The following XRN1 variants were observed in gnomAD, a reference collection of about 807,000 sequenced individuals.
XRN1 encodes the protein 5'-3' exoribonuclease 1.
A neutral mutation model predicts 222.3 loss-of-function variants in XRN1; 67 were observed. The ratio of observed to expected loss-of-function variants is 0.30; its 90% CI spans 0.25 to 0.37. XRN1 has a LOEUF of 0.37. Among genes scored for constraint, XRN1 ranks in the 10% least tolerant of loss-of-function variants. XRN1 has a pLI of 1.00. For missense variants in XRN1, 1,707 were observed against 2,000.2 expected (o/e 0.85, Z 2.80); for synonymous variants, 643 against 652.4 (o/e 0.99, Z 0.22).
In XRN1 at chr3:142,417,222, G is replaced by T. The variant is rs367872004; in HGVS notation, c.1354C>A (p.Leu452Met). The T allele has an allele frequency of 1.4e-5, 23 of 1,613,006 alleles. No homozygotes were observed. Among genetic ancestry groups the T allele is most frequent in the Non-Finnish European group, 1.9e-5 (23 of 1,179,506 alleles). Residue 452 changes from leucine to methionine, a missense_variant, in exon 13 of 41, where the codon CTG becomes ATG. Physicochemically the swap from Leu to Met is conservative, Grantham distance 15 (BLOSUM62 2). This residue lies in a region of XRN1 where 1,234 missense variants were observed against 1,518.2 expected (regional missense o/e 0.81). Coordinates refer to ENST00000392981, the MANE Select transcript of XRN1 (RefSeq NM_001282857.2). ...MGVDVVSDDF[L>M]ADQAACYVQA... ...ACATAACATGCAGCTTGATCAGCCAGAAAGTCACTGAAAATAGAATATTTT... is the reference window on the plus strand; with the variant it reads ...ACATAACATGCAGCTTGATCAGCCATAAAGTCACTGAAAATAGAATATTTT...
intron 3 of XRN1, among the ~76,000 whole-genome samples, chr3:142,426,270 A>G (rs1020097071): frequency 1.3e-5 from 2 of 152,206 alleles, no homozygotes; most frequent in African/African-American, 4.8e-5. Flanking sequence ...TAAACATAAT[A>G]CTGATAAATT....
At chr3:142,318,934 A>G (rs1197892389) in intron 37 of XRN1, 31 bp from the exon 38 acceptor site, 1 of 1,579,842 alleles carries the variant, frequency 6.3e-7, no homozygotes, top group Non-Finnish European at 8.7e-7. Context: ...TGTCTATGAA[A>G]TTCTCTGTCT....
intron 25 of XRN1, among the ~76,000 whole-genome samples, chr3:142,375,149 A>C (rs552657124): frequency 2.0e-5 from 3 of 152,172 alleles, no homozygotes; most frequent in Non-Finnish European, 4.4e-5. Flanking sequence ...TTGAGACAAT[A>C]AATTTCTGTT....
At chr3:142,324,853 T>G (rs188710675) in intron 37 of XRN1, among the ~76,000 whole-genome samples, 35 of 152,296 alleles carry the variant, frequency 2.3e-4, no homozygotes, top group Non-Finnish European at 4.0e-4. Context: ...CCAGTGATGA[T>G]GAGCATTTTT....
intron 33 of XRN1, among the ~76,000 whole-genome samples, chr3:142,346,738 C>A (rs189396126): frequency 6.6e-6 from 1 of 152,146 alleles, no homozygotes; most frequent in African/African-American, 2.4e-5. Flanking sequence ...GCCTTGGCCT[C>A]CCAAAGTGCT....
At chr3:142,359,660 G>A (rs1252409706) in intron 30 of XRN1, among the ~76,000 whole-genome samples, 1 of 151,986 alleles carries the variant, frequency 6.6e-6, no homozygotes, top group Non-Finnish European at 1.5e-5. Context: ...TAATGTAATC[G>A]GTTGCTTAAT....
intron 33 of XRN1, among the ~76,000 whole-genome samples, chr3:142,340,440 C>CA: frequency 6.6e-6 from 1 of 151,162 alleles, no homozygotes; most frequent in South Asian, 2.1e-4. Flanking sequence ...AAAACAGCCT[C>CA]AAAAGGGCAA....
intron 33 of XRN1, among the ~76,000 whole-genome samples, chr3:142,336,560 A>G (rs1300759752): frequency 6.6e-6 from 1 of 151,280 alleles, no homozygotes; most frequent in African/African-American, 2.4e-5. Flanking sequence ...GATCAGAGAC[A>G]GGGGAAGGAA....
chr3:142,383,609 C>A (rs2067382615), intron 21 of XRN1, among the ~76,000 whole-genome samples, 196 bp from the exon 22 acceptor site: 1 of 152,160 alleles, frequency 6.6e-6, no homozygotes, highest in South Asian at 2.1e-4. Flanking sequence ...TTATTGAGTT[C>A]ATTTAATCCT....
At chr3:142,393,658 T>C (rs1214849338) in intron 20 of XRN1, among the ~76,000 whole-genome samples, 1 of 152,232 alleles carries the variant, frequency 6.6e-6, no homozygotes, top group Non-Finnish European at 1.5e-5. Context: ...GCCAGCAATT[T>C]CTATGGCTAT....
intron 33 of XRN1, among the ~76,000 whole-genome samples, chr3:142,345,710 G>T (rs192485689): frequency 3.0e-4 from 46 of 152,072 alleles, no homozygotes; most frequent in African/African-American, 1.1e-3. Context: ...CAAGAAAAAA[G>T]ATTAAAAAAT....
chr3:142,371,803 A>G (rs2066999359), intron 25 of XRN1, among the ~76,000 whole-genome samples: 1 of 152,188 alleles, frequency 6.6e-6, no homozygotes. Flanking sequence ...TCCCTCTCCA[A>G]TCCATTAAAA....
At chr3:142,370,243 T>G (rs2066948831) in intron 27 of XRN1, among the ~76,000 whole-genome samples, 2 of 152,188 alleles carry the variant, frequency 1.3e-5, no homozygotes, top group Non-Finnish European at 2.9e-5. Context: ...TATAATTAGT[T>G]ATGATGGCTA....
At chr3:142,312,420 T>C (rs902841293) in intron 40 of XRN1, among the ~76,000 whole-genome samples, 178 bp downstream of exon 40, 1 of 152,232 alleles carries the variant, frequency 6.6e-6, no homozygotes, top group African/African-American at 2.4e-5. Context: ...TATTGTTTAT[T>C]AGAACACAAA....
intron 18 of XRN1, 118 bp downstream of exon 18, chr3:142,403,556 A>C (rs1286950765): frequency 4.6e-6 from 4 of 863,778 alleles, no homozygotes; most frequent in African/African-American, 1.7e-5. Context: ...CTTCATCCTT[A>C]TTTAGGCTCC....
intron 1 of XRN1, among the ~76,000 whole-genome samples, chr3:142,444,973 C>T (rs527441440): frequency 3.3e-4 from 50 of 152,290 alleles, no homozygotes; most frequent in African/African-American, 7.9e-4. Context: ...TAAATTAATT[C>T]ACTCAAAAAA....
intron 32 of XRN1, among the ~76,000 whole-genome samples, chr3:142,353,021 C>T (rs970958387): frequency 1.3e-5 from 2 of 152,184 alleles, no homozygotes; most frequent in Non-Finnish European, 2.9e-5. Flanking sequence ...CTTTCCTCTT[C>T]CTTTCTTTGT....
intron 33 of XRN1, 34 bp from the exon 34 acceptor site, chr3:142,335,543 G>T (rs545388537): frequency 1.0e-5 from 16 of 1,578,422 alleles, no homozygotes; most frequent in Non-Finnish European, 1.4e-5. Context: ...TTCATAAATG[G>T]AAGTGTTTAC....
intron 30 of XRN1, among the ~76,000 whole-genome samples, chr3:142,357,812 G>A (rs1164080935): frequency 3.9e-5 from 6 of 152,090 alleles, no homozygotes; most frequent in South Asian, 4.1e-4. Context: ...GAGGCAGGTC[G>A]ATCACTTGAG....
Sources: allele counts gnomAD v4.1 joint callset (sites outside exome capture counted in the v4.1 genomes callset), GRCh38; gene constraint gnomAD v4.1.1; regional missense constraint gnomAD v4.1.1; transcripts MANE v1.5; gene names NCBI Gene and HGNC (gene_info 2026-07-23, HGNC 2026-07-21).